MARCHF1: variants seen among roughly 807,000 people sequenced by gnomAD.
MARCHF1 encodes E3 ubiquitin-protein ligase MARCHF1.
In MARCHF1, 40 loss-of-function variants were observed where a neutral mutation model predicts 54.2. The ratio of observed to expected loss-of-function variants is 0.74; its 90% CI spans 0.57 to 0.96. MARCHF1 has a LOEUF of 0.96. Among genes scored for constraint, MARCHF1 ranks in the 40% least tolerant of loss-of-function variants. MARCHF1 has a pLI of 0.00. For synonymous variants in MARCHF1, 236 were observed against 236.3 expected (o/e 1.00, Z 0.01); for missense variants, 586 against 656.5 (o/e 0.89, Z 1.17).
intron 1 of MARCHF1, among the ~76,000 whole-genome samples, chr4:164,226,346 C>T (rs1343735342): frequency 6.6e-6 from 1 of 151,842 alleles, no homozygotes; most frequent in Non-Finnish European, 1.5e-5. Context: ...GGAAAATAAG[C>T]TATTAGAGTC....
At chr4:164,073,865 G>A (rs1035613404) in intron 2 of MARCHF1, among the ~76,000 whole-genome samples, 12 of 151,816 alleles carry the variant, frequency 7.9e-5, no homozygotes, top group African/African-American at 2.2e-4. Flanking sequence ...GTGCAGTGGC[G>A]CAATTTCGGC....
intron 5 of MARCHF1, among the ~76,000 whole-genome samples, chr4:163,680,062 T>C (rs547611377): frequency 6.6e-6 from 1 of 152,058 alleles, no homozygotes; most frequent in South Asian, 2.1e-4. Flanking sequence ...GCTTTCCTGT[T>C]TTAAATTTTT....
At chr4:163,863,709 G>T (rs1262229848) in intron 3 of MARCHF1, among the ~76,000 whole-genome samples, 1 of 151,974 alleles carries the variant, frequency 6.6e-6, no homozygotes, top group Non-Finnish European at 1.5e-5. Flanking sequence ...CCCGATTTTG[G>T]TTTTTAATAT....
intron 3 of MARCHF1, among the ~76,000 whole-genome samples, chr4:163,966,019 T>G (rs977915289): frequency 1.1e-4 from 16 of 152,110 alleles, no homozygotes. Context: ...TAAGTATTTT[T>G]GGTATCTGAT....
intron 1 of MARCHF1, among the ~76,000 whole-genome samples, chr4:164,124,942 T>C (rs1756148398): frequency 6.6e-6 from 1 of 152,174 alleles, no homozygotes; most frequent in Admixed American, 6.5e-5. Context: ...ATAATCGGAT[T>C]GTTTGTAACT....
chr4:163,582,750 A>G (rs1740271265), intron 8 of MARCHF1, among the ~76,000 whole-genome samples: 1 of 133,486 alleles, frequency 7.5e-6, no homozygotes. Flanking sequence ...AGCATTCTCT[A>G]TAACTGTTTA....
chr4:164,223,424 A>AC (rs1378204643), intron 1 of MARCHF1, among the ~76,000 whole-genome samples: 1 of 151,944 alleles, frequency 6.6e-6, no homozygotes, highest in Non-Finnish European at 1.5e-5. Context: ...CATTTTTTCA[A>AC]CAAGGAATTT....
At chr4:163,997,423 T>C (rs1753098453) in intron 2 of MARCHF1, among the ~76,000 whole-genome samples, 1 of 152,008 alleles carries the variant, frequency 6.6e-6, no homozygotes, top group African/African-American at 2.4e-5. Context: ...AAGATAATTA[T>C]GACAATTTGA....
At chr4:163,805,007 A>G (rs1748185344) in intron 4 of MARCHF1, among the ~76,000 whole-genome samples, 1 of 152,058 alleles carries the variant, frequency 6.6e-6, no homozygotes, top group Non-Finnish European at 1.5e-5. Context: ...TATTTTTTTC[A>G]TCTTTGGATA....
intron 1 of MARCHF1, among the ~76,000 whole-genome samples, chr4:164,339,940 C>T (rs969160888): frequency 2.6e-5 from 4 of 151,938 alleles, no homozygotes; most frequent in Admixed American, 2.0e-4. Context: ...AATAACATGC[C>T]AACAAATTGG....
chr4:164,381,163 T>C (rs1446868585), intron 1 of MARCHF1, among the ~76,000 whole-genome samples: 1 of 152,236 alleles, frequency 6.6e-6, no homozygotes, highest in Non-Finnish European at 1.5e-5. Flanking sequence ...GCTATGGCTT[T>C]ATTTTTGCCC....
intron 1 of MARCHF1, among the ~76,000 whole-genome samples, chr4:164,307,490 G>A (rs539758505): frequency 4.6e-5 from 7 of 152,302 alleles, no homozygotes; most frequent in South Asian, 2.1e-4. Flanking sequence ...CCCAAAGCTC[G>A]TCTCTTCCCA....
intron 5 of MARCHF1, among the ~76,000 whole-genome samples, chr4:163,694,572 C>A (rs1011325924): frequency 1.3e-5 from 2 of 152,088 alleles, no homozygotes; most frequent in African/African-American, 4.8e-5. Flanking sequence ...GCCTTTCTTA[C>A]TCCTTGGATG....
chr4:163,929,485 T>G (rs578109931), intron 3 of MARCHF1, among the ~76,000 whole-genome samples: 1 of 152,040 alleles, frequency 6.6e-6, no homozygotes, highest in Non-Finnish European at 1.5e-5. Context: ...AGTGATCAGA[T>G]TGACTTAACA....
chr4:163,892,899 A>ATT (rs1750692507), intron 3 of MARCHF1, among the ~76,000 whole-genome samples: 1 of 151,630 alleles, frequency 6.6e-6, no homozygotes, highest in Non-Finnish European at 1.5e-5. Context: ...GAGGATTCAT[A>ATT]TTTGTGCCAG....
At position 163,924,712 on chromosome 4, in the gene MARCHF1, C is replaced by G. The variant is rs113003300; in HGVS notation, c.-39+63789G>C. ...GGATAGAGAGGATAAGAAATTTAAT[C>G]AAGGGTGCACAACTAGTGGATACCA... is the stretch of plus-strand genomic sequence containing the variant. On this transcript the variant is annotated intron_variant, in intron 3 of 9. Transcript: ENST00000514618. Among the ~76,000 whole-genome samples, 364 of 151,878 alleles carry G rather than the reference C, an allele frequency of 2.4e-3. 3 individuals carry two copies. Among genetic ancestry groups the G allele is most frequent in the African/African-American group, 8.4e-3 (350 of 41,484 alleles).
chr4:164,194,376 T>C (rs1222895059), intron 1 of MARCHF1, among the ~76,000 whole-genome samples: 1 of 152,164 alleles, frequency 6.6e-6, no homozygotes, highest in African/African-American at 2.4e-5. Context: ...ATGACTTCAC[T>C]GGGAGCATAA....
intron 7 of MARCHF1, among the ~76,000 whole-genome samples, chr4:163,608,447 T>C (rs576417594): frequency 6.6e-6 from 1 of 152,192 alleles, no homozygotes; most frequent in Admixed American, 6.6e-5. Context: ...CAACAGGGAC[T>C]TGTAAATATT....
At chr4:163,894,398 G>C in intron 3 of MARCHF1, among the ~76,000 whole-genome samples, 1 of 151,592 alleles carries the variant, frequency 6.6e-6, no homozygotes, top group East Asian at 1.9e-4. Context: ...TTAATACAAA[G>C]CTATATAGAT....
Sources: allele counts gnomAD v4.1 joint callset (sites outside exome capture counted in the v4.1 genomes callset), GRCh38; gene constraint gnomAD v4.1.1; transcripts MANE v1.5; gene names NCBI Gene and HGNC (gene_info 2026-07-23, HGNC 2026-07-21).